The following CHCHD6 variants were observed in gnomAD, a reference collection of about 807,000 sequenced individuals.
CHCHD6 encodes coiled-coil-helix-coiled-coil-helix domain containing 6, also known as MICOS complex subunit MIC25.
CHCHD6 carries 28 observed loss-of-function variants against 32.3 expected under a neutral mutation model. The ratio of observed to expected loss-of-function variants is 0.87; its 90% CI spans 0.64 to 1.19. The LOEUF (loss-of-function observed/expected upper bound fraction) is 1.19, where lower values mean the gene tolerates loss of function less well. Ranked by LOEUF, CHCHD6 falls within the 50% of genes most tolerant of loss-of-function variation. The probability of loss-of-function intolerance (pLI) is 0.00; values close to 1 mark genes in which losing one functional copy is unlikely to be tolerated. For missense variants in CHCHD6, 333 were observed against 307.0 expected, an observed-to-expected ratio of 1.08 and a Z score of -0.63; for synonymous variants, 122 against 117.5, an observed-to-expected ratio of 1.04 and a Z score of -0.25.
At chr3:126,745,165 G>T (rs773922826) in intron 4 of CHCHD6, among the ~76,000 whole-genome samples, 42 of 152,216 alleles carry the variant, frequency 2.8e-4, no homozygotes, top group Non-Finnish European at 8.8e-5. Flanking sequence ...ACCTGGACAC[G>T]TGACTGCCCC....
At chr3:126,755,659 C>G (rs1936923746) in intron 4 of CHCHD6, among the ~76,000 whole-genome samples, 1 of 152,108 alleles carries the variant, frequency 6.6e-6, no homozygotes, top group African/African-American at 2.4e-5. Context: ...ATAGAACATT[C>G]TATTAGTCTA....
At chr3:126,760,443 G>A (rs6808646) in intron 4 of CHCHD6, among the ~76,000 whole-genome samples, 4,032 of 152,058 alleles carry the variant, frequency 0.027, 71 homozygotes, top group Middle Eastern at 0.058. Context: ...CTCCTTTTCC[G>A]GAACTTTTTC....
chr3:126,956,115 C>A (rs1276413084), intron 6 of CHCHD6, among the ~76,000 whole-genome samples: 1 of 152,156 alleles, frequency 6.6e-6, no homozygotes, highest in Non-Finnish European at 1.5e-5. Context: ...GCTCTGGAGA[C>A]CCTGGTGGGA....
At chr3:126,735,358 A>G (rs977708714) in intron 4 of CHCHD6, among the ~76,000 whole-genome samples, 2 of 152,222 alleles carry the variant, frequency 1.3e-5, no homozygotes, top group Non-Finnish European at 2.9e-5. Context: ...CTAGATGGAT[A>G]ATAATCCCCT....
chr3:126,729,592 G>A (rs1192355286), intron 2 of CHCHD6, among the ~76,000 whole-genome samples: 1 of 152,204 alleles, frequency 6.6e-6, no homozygotes, highest in African/African-American at 2.4e-5. Flanking sequence ...AGGCTCCTGA[G>A]TTCACCTCAG....
chr3:126,952,861 C>T lies in CHCHD6; in HGVS notation c.567-4555C>T, dbSNP rs191011635. On this transcript the variant is annotated intron_variant, in intron 6 of 7. Transcript: ENST00000290913. ...ACTCTGCTGTGTCTGTGGTCTCAGCCGACAGGGTGGGGGCTCTGGGAGTCA... is the reference window on the plus strand; with the variant it reads ...ACTCTGCTGTGTCTGTGGTCTCAGCTGACAGGGTGGGGGCTCTGGGAGTCA... Among the ~76,000 whole-genome samples the T allele has an allele frequency of 2.9e-3, 437 of 152,168 alleles. 3 individuals are homozygous for T. Among genetic ancestry groups the T allele is most frequent in the Non-Finnish European group, 5.1e-3 (350 of 67,974 alleles).
intron 4 of CHCHD6, among the ~76,000 whole-genome samples, chr3:126,788,581 C>A (rs1382767070): frequency 6.6e-6 from 1 of 152,156 alleles, no homozygotes; most frequent in Non-Finnish European, 1.5e-5. Flanking sequence ...GGAATTTATC[C>A]ATTTCTTCTA....
At chr3:126,857,188 G>A (rs980728826) in intron 5 of CHCHD6, among the ~76,000 whole-genome samples, 8 of 152,164 alleles carry the variant, frequency 5.3e-5, no homozygotes, top group Non-Finnish European at 7.4e-5. Flanking sequence ...GGGAGATGCC[G>A]AGGATTAGGA....
chr3:126,876,550 C>A (rs1299237760), intron 5 of CHCHD6, among the ~76,000 whole-genome samples: 2 of 152,166 alleles, frequency 1.3e-5, no homozygotes, highest in African/African-American at 4.8e-5. Context: ...GTTTTATTGG[C>A]AGTGTTTTAT....
chr3:126,891,719 C>A (rs534966299), intron 5 of CHCHD6, among the ~76,000 whole-genome samples: 17 of 152,014 alleles, frequency 1.1e-4, no homozygotes, highest in Non-Finnish European at 2.1e-4. Context: ...AGTGCTTGGG[C>A]TTGAAATGTG....
At chr3:126,862,564 A>G (rs2107559320) in intron 5 of CHCHD6, among the ~76,000 whole-genome samples, 1 of 125,414 alleles carries the variant, frequency 8.0e-6, no homozygotes, top group Non-Finnish European at 1.7e-5. Context: ...CTCCTCCACC[A>G]TCACCACCTC....
chr3:126,727,390 G>A (rs551368687), intron 2 of CHCHD6, among the ~76,000 whole-genome samples: 3 of 152,274 alleles, frequency 2.0e-5, no homozygotes, highest in African/African-American at 7.2e-5. Flanking sequence ...GATTCGGGTC[G>A]GACCACCTTC....
chr3:126,737,599 A>G (rs1316722226), intron 4 of CHCHD6, among the ~76,000 whole-genome samples: 1 of 152,222 alleles, frequency 6.6e-6, no homozygotes, highest in African/African-American at 2.4e-5. Flanking sequence ...GAGGGACAGG[A>G]AGACACTCGA....
At chr3:126,892,050 A>G (rs1375242893) in intron 5 of CHCHD6, among the ~76,000 whole-genome samples, 1 of 152,152 alleles carries the variant, frequency 6.6e-6, no homozygotes, top group Non-Finnish European at 1.5e-5. Context: ...GCCAGCGACA[A>G]CGTCTCACAG....
intron 4 of CHCHD6, among the ~76,000 whole-genome samples, chr3:126,746,666 C>T (rs1046461783): frequency 2.6e-5 from 4 of 152,176 alleles, no homozygotes; most frequent in South Asian, 2.1e-4. Context: ...AGAAATACAC[C>T]GCCATGTCAC....
chr3:126,759,258 C>T (rs1330492535), intron 4 of CHCHD6, among the ~76,000 whole-genome samples: 1 of 152,224 alleles, frequency 6.6e-6, no homozygotes, highest in Non-Finnish European at 1.5e-5. Context: ...GTTATTGAGT[C>T]ATGTAAGAGT....
chr3:126,704,649 G>C (rs2107647143), intron 1 of CHCHD6, among the ~76,000 whole-genome samples: 1 of 152,300 alleles, frequency 6.6e-6, no homozygotes, highest in African/African-American at 2.4e-5. Flanking sequence ...CCTGGGACAC[G>C]AGGGACGCCC....
At chr3:126,943,971 G>A (rs1476087012) in intron 6 of CHCHD6, among the ~76,000 whole-genome samples, 3 of 152,200 alleles carry the variant, frequency 2.0e-5, no homozygotes, top group Non-Finnish European at 4.4e-5. Flanking sequence ...AATGTAAAAC[G>A]CAAAACTGTG....
intron 5 of CHCHD6, among the ~76,000 whole-genome samples, chr3:126,871,698 C>G (rs2077474202): frequency 7.1e-6 from 1 of 140,794 alleles, no homozygotes; most frequent in South Asian, 2.4e-4. Flanking sequence ...CGGCGTCTCA[C>G]TCTGTCGCCC....
Sources: allele counts gnomAD v4.1 joint callset (sites outside exome capture counted in the v4.1 genomes callset), GRCh38; gene constraint gnomAD v4.1.1; transcripts MANE v1.5; gene names NCBI Gene and HGNC (gene_info 2026-07-23, HGNC 2026-07-21).